The following VPS13A variants were observed in gnomAD, a reference collection of about 807,000 sequenced individuals.
VPS13A encodes intermembrane lipid transfer protein VPS13A.
In VPS13A, 264 loss-of-function variants were observed where a neutral mutation model predicts 390.9. The observed-to-expected ratio is 0.68, with a 90% CI of 0.61 to 0.75. The LOEUF is 0.75. VPS13A is among the 30% of genes least tolerant of loss of function. The probability of loss-of-function intolerance (pLI) is 0.00; values close to 1 mark genes in which losing one functional copy is unlikely to be tolerated. For missense variants in VPS13A, 3,409 were observed against 3,733.9 expected, an observed-to-expected ratio of 0.91 and a Z score of 2.27; for synonymous variants, 1,231 against 1,227.1, an observed-to-expected ratio of 1.00 and a Z score of -0.07.
At position 77,336,089 on chromosome 9, in the gene VPS13A, A is replaced by G. The variant is rs191296072; in HGVS notation, c.6096-1166A>G. ...GGTGAAGCTGGAAACCATTCTCAGC[A>G]AACTAGCACAGGAACAAAAAACCAA... On this transcript the variant is annotated intron_variant, in intron 46 of 71. Coordinates refer to ENST00000360280, the MANE Select transcript of VPS13A (RefSeq NM_033305.3). 2.0e-5 allele frequency among the ~76,000 whole-genome samples: 3 copies of G among 152,334 alleles called. No homozygotes were observed. In the East Asian group the frequency reaches 5.8e-4, roughly 29 times the overall value.
At position 77,228,208 on chromosome 9, in the gene VPS13A, T is replaced by G. The variant is rs1823631238; in HGVS notation, c.1539T>G (p.Ile513Met). ...ATCAAAAACCTGAGCTGGTAGATAT[T>G]GTAATAGAAGAATTTAGCACCTTAA... ...ENHQKPELVD[I>M]VIEEFSTLIV... Residue 513 changes from isoleucine to methionine, a missense_variant, in exon 17 of 72, where the codon ATT becomes ATG. By Grantham distance (10) the Ile-to-Met change is conservative. Around this residue, in one of 5 missense-constraint regions of VPS13A, gnomAD observed 2,717 missense variants for 2,917.4 expected, o/e 0.93. Transcript: ENST00000360280. The G allele has an allele frequency of 1.2e-6, 2 of 1,603,940 alleles. No individual in the cohort carries two copies. The highest frequency in any genetic ancestry group is 1.7e-6 in the Non-Finnish European group (2 of 1,174,874).
intron 23 of VPS13A, among the ~76,000 whole-genome samples, chr9:77,271,089 T>C (rs1267830106): frequency 6.6e-6 from 1 of 152,190 alleles, no homozygotes; most frequent in East Asian, 1.9e-4. Flanking sequence ...CATCTAACCA[T>C]CCACTTGGGA....
chr9:77,359,019 G>A (rs1360396280), intron 57 of VPS13A, among the ~76,000 whole-genome samples: 1 of 152,092 alleles, frequency 6.6e-6, no homozygotes, highest in African/African-American at 2.4e-5. Flanking sequence ...AGTATAATGC[G>A]TAAGCCCTTC....
rs1481875472 is a variant in VPS13A, at chr9:77,275,599, C to G, written c.2614C>G (p.Gln872Glu). Residue 872 changes from glutamine (Q) to glutamate (E), a missense_variant, in exon 25 of 72, where the codon CAG becomes GAG. By Grantham distance (29) the Gln-to-Glu change is conservative. This residue lies in a region of VPS13A where 2,717 missense variants were observed against 2,917.4 expected (regional missense o/e 0.93). Coordinates refer to ENST00000360280, the MANE Select transcript of VPS13A (RefSeq NM_033305.3). ...TATTCGAACCAGAAAGTTACAAAAG[C>G]AGGATTGTTCAGTAAATATGACTAC... ...KSIRTRKLQKQDCSVNMTTFK... is the reference protein window; with the variant it reads ...KSIRTRKLQKEDCSVNMTTFK... 1.2e-6 allele frequency: 2 copies of G among 1,613,406 alleles called. No homozygotes were observed. Among genetic ancestry groups the G allele is most frequent in the South Asian group, 2.2e-5 (2 of 91,070 alleles).
intron 5 of VPS13A, among the ~76,000 whole-genome samples, chr9:77,207,224 T>C (rs1825694293): frequency 1.2e-5 from 1 of 86,170 alleles, no homozygotes; most frequent in Non-Finnish European, 2.4e-5. Flanking sequence ...TATATATATA[T>C]ATATATATAT....
At chr9:77,275,983 C>T (rs2131331998) in intron 25 of VPS13A, 82 bp from the exon 26 acceptor site, 5 of 1,391,298 alleles carry the variant, frequency 3.6e-6, no homozygotes, top group South Asian at 2.4e-5. Context: ...ATGTATACCT[C>T]ATATATTCAC....
At chr9:77,211,882 A>G (rs1825992179) in intron 7 of VPS13A, among the ~76,000 whole-genome samples, 1 of 152,164 alleles carries the variant, frequency 6.6e-6, no homozygotes, top group African/African-American at 2.4e-5. Flanking sequence ...AAGGCCTGGG[A>G]GTGAGCATTA....
At position 77,345,210 on chromosome 9, in the gene VPS13A, G is replaced by T. The variant is rs182691542; in HGVS notation, c.7289+68G>T. Reference sequence around the variant, plus strand: ...TAGATGATGAGGCACAGTTTTTTTTGATAATTTCTTAAGAGTATAAACACT... The same window carrying T: ...TAGATGATGAGGCACAGTTTTTTTTTATAATTTCTTAAGAGTATAAACACT... On this transcript the variant is annotated intron_variant, in intron 52 of 71. Coordinates refer to ENST00000360280, the MANE Select transcript of VPS13A (RefSeq NM_033305.3). 603 of 1,524,036 alleles carry T rather than the reference G, an allele frequency of 4.0e-4. 6 individuals carry two copies. The East Asian group carries it at 9.4e-3, about 24-fold the overall frequency. 94.4% of individuals were successfully genotyped at this position (1,524,036 alleles called of 1,614,324 possible). A position where few individuals can be genotyped will look rare whatever the true frequency, so the allele number is the denominator to read the frequency against.
intron 34 of VPS13A, among the ~76,000 whole-genome samples, chr9:77,307,410 C>G (rs1036607342): frequency 6.6e-6 from 1 of 152,132 alleles, no homozygotes; most frequent in African/African-American, 2.4e-5. Flanking sequence ...AGGATTGCAC[C>G]ACTGCATGCC....
chr9:77,219,956 T>C lies in VPS13A; in HGVS notation c.757T>C (p.Phe253Leu). 1 of 1,613,468 alleles carries C rather than the reference T, an allele frequency of 6.2e-7. No individual in the cohort carries two copies. Among genetic ancestry groups the C allele is most frequent in the Non-Finnish European group, 8.5e-7 (1 of 1,179,572 alleles). Reference protein sequence around the residue: ...NIVPEGYDFVFRPISANAKLV... With the variant: ...NIVPEGYDFVLRPISANAKLV... The stretch of plus-strand genomic sequence containing the variant: ...TTTCCATTTTTATTATTTTTCAGTA[T>C]TTCGTCCCATATCTGCTAATGCCAA... Residue 253 changes from phenylalanine (F) to leucine (L), a missense_variant and splice_region_variant, in exon 11 of 72, where the codon TTT (phenylalanine) becomes CTT (leucine). Around this residue, in one of 5 missense-constraint regions of VPS13A, gnomAD observed 2,717 missense variants for 2,917.4 expected, o/e 0.93. Coordinates refer to ENST00000360280, the MANE Select transcript of VPS13A (RefSeq NM_033305.3).
At chr9:77,385,483 A>G (rs908436738) in intron 68 of VPS13A, among the ~76,000 whole-genome samples, 2 of 152,020 alleles carry the variant, frequency 1.3e-5, no homozygotes, top group African/African-American at 2.4e-5. Context: ...TCTATCGTAA[A>G]CATAACTATA....
intron 3 of VPS13A, among the ~76,000 whole-genome samples, chr9:77,203,025 T>C (rs1473766422): frequency 6.6e-6 from 1 of 152,190 alleles, no homozygotes; most frequent in African/African-American, 2.4e-5. Flanking sequence ...AAGTAATACA[T>C]GTTTCCAAAT....
chr9:77,324,921 C>T (rs1040202768), intron 45 of VPS13A, among the ~76,000 whole-genome samples: 2 of 152,064 alleles, frequency 1.3e-5, no homozygotes, highest in Non-Finnish European at 2.9e-5. Flanking sequence ...ACACCAGGGA[C>T]CTGTTTCATG....
intron 45 of VPS13A, among the ~76,000 whole-genome samples, chr9:77,328,884 T>G (rs1830146631): frequency 6.6e-6 from 1 of 152,152 alleles, no homozygotes; most frequent in East Asian, 1.9e-4. Flanking sequence ...GAGGTTTAAT[T>G]AACTCATAGT....
chr9:77,353,720 T>G (rs1420624146), intron 54 of VPS13A, 79 bp downstream of exon 54: 1 of 1,343,198 alleles, frequency 7.4e-7, no homozygotes, highest in African/African-American at 1.5e-5. Context: ...AAATCTCAAA[T>G]GATTTAGTTT....
chr9:77,353,394 GT>G lies in VPS13A; in HGVS notation c.7420-14del. 1.4e-6 allele frequency: 2 copies of G among 1,416,034 alleles called. No homozygotes were observed. The highest frequency in any genetic ancestry group is 1.9e-6 in the Non-Finnish European group (2 of 1,049,516). The allele number at this position is 1,416,034 out of a possible 1,614,324, so 87.7% of individuals were successfully genotyped here. On this transcript the variant is annotated splice_polypyrimidine_tract_variant and intron_variant, in intron 53 of 71. Transcript: ENST00000360280. The stretch of plus-strand genomic sequence containing the variant: ...ATTTTTTGGTTTTTTTTTTTTTTTG[GT>G]GGTTTTATTCTAGGATATGATGATG...
At chr9:77,371,240 T>C (rs528869487) in intron 67 of VPS13A, 91 bp downstream of exon 67, 6 of 1,562,850 alleles carry the variant, frequency 3.8e-6, no homozygotes, top group East Asian at 2.3e-5. Flanking sequence ...CATTTAGTTA[T>C]TGTCTTTGTT....
chr9:77,302,111 C>T (rs1051674987), intron 33 of VPS13A, among the ~76,000 whole-genome samples: 1 of 151,958 alleles, frequency 6.6e-6, no homozygotes, highest in Non-Finnish European at 1.5e-5. Context: ...GTGCCCACCA[C>T]CACGCCTGGT....
At chr9:77,403,051 T>C (rs1432523605) in intron 68 of VPS13A, among the ~76,000 whole-genome samples, 185 bp from the exon 69 acceptor site, 2 of 152,196 alleles carry the variant, frequency 1.3e-5, no homozygotes, top group African/African-American at 4.8e-5. Flanking sequence ...TAATGTTAAA[T>C]AAAGTAGTGC....
Sources: gnomAD v4.1 joint callset for allele counts (sites outside exome capture counted in the v4.1 genomes callset) on GRCh38, gnomAD v4.1.1 for gene constraint, gnomAD v4.1.1 regional missense constraint, MANE v1.5 for transcripts, NCBI Gene and HGNC (gene_info 2026-07-23, HGNC 2026-07-21) for gene names.